GCSAM: variants seen among roughly 807,000 people sequenced by gnomAD.
GCSAM encodes the protein germinal center-associated signaling and motility protein.
Under a neutral mutation model 17.6 loss-of-function variants are expected in GCSAM, and 8 were observed. That is an observed-to-expected ratio of 0.46 (90% CI 0.27 to 0.82). GCSAM has a LOEUF of 0.82. Ranked by LOEUF, GCSAM falls within the 40% of genes least tolerant of loss-of-function variation. The pLI is 0.15. For synonymous variants in GCSAM, 68 were observed against 69.0 expected, an observed-to-expected ratio of 0.98 and a Z score of 0.07; for missense variants, 192 against 213.5, an observed-to-expected ratio of 0.90 and a Z score of 0.63.
In GCSAM at chr3:112,125,212, G is replaced by T. The variant is rs1268831654; in HGVS notation, c.219+14C>A. 1.3e-6 allele frequency: 2 copies of T among 1,533,468 alleles called. No homozygotes were observed. Among genetic ancestry groups the T allele is most frequent in the Non-Finnish European group, 9.0e-7 (1 of 1,106,554 alleles). The allele number at this position is 1,533,468 out of a possible 1,614,324, so 95.0% of individuals were successfully genotyped here. ...TCATCATCTCAAAAAATAGCTTAGA[G>T]ATGTTCTTATTACCTGGATGGGAGT... On this transcript the variant is annotated intron_variant, in intron 5 of 5. Coordinates refer to ENST00000308910, the MANE Select transcript of GCSAM (RefSeq NM_152785.5).
Position 112,123,627 on chromosome 3 carries a change from C to T in GCSAM, c.365G>A (p.Gly122Glu). 1.2e-6 allele frequency: 2 copies of T among 1,614,140 alleles called. No individual in the cohort carries two copies. The highest frequency in any genetic ancestry group is 1.7e-6 in the Non-Finnish European group (2 of 1,180,018). Reference sequence around the variant, plus strand: ...AAGTGAATACTCAGTCTCAGTTCCTCCCAAGGACTCTCTGGGTCTCTCAGC... The same window carrying T: ...AAGTGAATACTCAGTCTCAGTTCCTTCCAAGGACTCTCTGGGTCTCTCAGC... ...CKAERPRESL[G>E]GTETEYSLLH... is the part of the protein sequence containing the mutation. The change falls in exon 6 of 6, where the codon GGA becomes GAA. Residue 122 changes from glycine to glutamate, a missense_variant. Gly to Glu is a moderately conservative substitution (Grantham distance 98). Coordinates refer to ENST00000308910, the MANE Select transcript of GCSAM (RefSeq NM_152785.5).
intron 3 of GCSAM, among the ~76,000 whole-genome samples, chr3:112,127,801 C>T (rs1003058510): frequency 3.3e-5 from 5 of 152,166 alleles, no homozygotes; most frequent in African/African-American, 1.2e-4. Flanking sequence ...GCTTCTGAGG[C>T]TTTCCTGTTT....
chr3:112,129,060 G>T (rs2074393701), intron 2 of GCSAM: 1 of 152,190 alleles, frequency 6.6e-6, no homozygotes, highest in Admixed American at 6.5e-5. Context: ...TAAGATCTAT[G>T]CATCATCAAA....
intron 2 of GCSAM, chr3:112,128,274 T>C (rs1291561378): frequency 1.4e-6 from 1 of 690,030 alleles, no homozygotes; most frequent in African/African-American, 1.8e-5. Context: ...GGAAAAAAGC[T>C]TTCTGCTGTG....
intron 1 of GCSAM, 66 bp from the exon 2 acceptor site, chr3:112,130,579 A>AT (rs1576171978): frequency 2.1e-6 from 3 of 1,438,944 alleles, no homozygotes; most frequent in Non-Finnish European, 2.9e-6. Context: ...TCTTTTCATA[A>AT]TTTTTCCGAC....
At position 112,128,125 on chromosome 3, in the gene GCSAM, C is replaced by G. The variant is rs563169830; in HGVS notation, c.99-64G>C. On this transcript the variant is annotated intron_variant, in intron 2 of 5. Transcript: ENST00000308910. ...TTTCTGCAGCTTTGTTAAGGTGACT[C>G]CTTTCCTTTTGCCATTTCTGTGGAA... 1.9e-5 allele frequency: 28 copies of G among 1,473,880 alleles called. No individual in the cohort carries two copies. The African/African-American group carries it at 3.5e-4, about 18-fold the overall frequency. The allele number at this position is 1,473,880 out of a possible 1,614,324, so 91.3% of individuals were successfully genotyped here. A position where few individuals can be genotyped will look rare whatever the true frequency, so the allele number is the denominator to read the frequency against.
intron 4 of GCSAM, 69 bp from the exon 5 acceptor site, chr3:112,125,323 C>A: frequency 9.3e-7 from 1 of 1,075,778 alleles, no homozygotes; most frequent in Non-Finnish European, 1.4e-6. Flanking sequence ...GCAGGGGAGG[C>A]TAGAATATAA....
At chr3:112,130,304 C>T (rs1013565402) in intron 2 of GCSAM, 141 bp downstream of exon 2, 11 of 724,176 alleles carry the variant, frequency 1.5e-5, no homozygotes, top group Non-Finnish European at 2.5e-5. Context: ...TATCTTTTGT[C>T]CTGTCTTCAC....
intron 1 of GCSAM, among the ~76,000 whole-genome samples, chr3:112,132,164 G>T (rs1030169583): frequency 6.6e-6 from 1 of 152,164 alleles, no homozygotes; most frequent in Non-Finnish European, 1.5e-5. Context: ...ACCCAGGGTA[G>T]AGAAGTCTCA....
intron 1 of GCSAM, chr3:112,132,704 T>G: frequency 5.1e-6 from 5 of 984,114 alleles, no homozygotes; most frequent in Non-Finnish European, 6.0e-6. Context: ...TATTTCAAAC[T>G]TAAAATAGTG....
At chr3:112,124,614 A>G (rs2074268620) in intron 5 of GCSAM, among the ~76,000 whole-genome samples, 1 of 152,170 alleles carries the variant, frequency 6.6e-6, no homozygotes, top group African/African-American at 2.4e-5. Context: ...GTCTCCAAAA[A>G]ATAAATAAAT....
chr3:112,129,065 A>G (rs149907014), intron 2 of GCSAM: 1 of 152,356 alleles, frequency 6.6e-6, no homozygotes, highest in East Asian at 1.9e-4. Flanking sequence ...TCTATGCATC[A>G]TCAAAGCCTT....
chr3:112,125,269 T>A lies in GCSAM; in HGVS notation c.191-15A>T, dbSNP rs781409245. On this transcript the variant is annotated splice_polypyrimidine_tract_variant and intron_variant, in intron 4 of 5. Transcript: ENST00000308910. ...CATTCTTTCATCTGGAGAAAGAAAA[T>A]ACACTCAATGAATTTCAGGTTATGG... 9 of 1,548,890 alleles carry A rather than the reference T, an allele frequency of 5.8e-6. No homozygotes were observed. In the African/African-American group the frequency reaches 1.2e-4, roughly 21 times the overall value.
At chr3:112,126,318 C>T (rs2074316270) in intron 4 of GCSAM, among the ~76,000 whole-genome samples, 1 of 152,174 alleles carries the variant, frequency 6.6e-6, no homozygotes, top group Admixed American at 6.5e-5. Flanking sequence ...CAAAACTCTT[C>T]CATTTTTCTT....
At chr3:112,132,620 AG>A in intron 1 of GCSAM, 2 of 984,210 alleles carry the variant, frequency 2.0e-6, no homozygotes, top group African/African-American at 3.5e-5. Context: ...TATTTAATCT[AG>A]ATGACCTCTG....
intron 1 of GCSAM, chr3:112,130,758 C>G (rs909425911): frequency 7.6e-6 from 4 of 528,258 alleles, no homozygotes; most frequent in African/African-American, 1.9e-5. Context: ...AACAAGTGAT[C>G]CTAAATCATC....
At chr3:112,124,589 CAA>C (rs1352792645) in intron 5 of GCSAM, among the ~76,000 whole-genome samples, 6 of 152,056 alleles carry the variant, frequency 3.9e-5, no homozygotes, top group African/African-American at 1.4e-4. Context: ...GCCTGGGTGA[CAA>C]GAGCAAAACT....
At chr3:112,125,740 G>A (rs1256843216) in intron 4 of GCSAM, among the ~76,000 whole-genome samples, 1 of 152,248 alleles carries the variant, frequency 6.6e-6, no homozygotes, top group African/African-American at 2.4e-5. Flanking sequence ...TACTCTAGGT[G>A]ACGGGATGGT....
At chr3:112,127,582 G>A (rs1251826815) in intron 3 of GCSAM, among the ~76,000 whole-genome samples, 8 of 152,174 alleles carry the variant, frequency 5.3e-5, no homozygotes, top group Admixed American at 4.6e-4. Context: ...TCTGGTGAAG[G>A]TCATTATCAA....
Sources: gnomAD v4.1 joint callset for allele counts (sites outside exome capture counted in the v4.1 genomes callset) on GRCh38, gnomAD v4.1.1 for gene constraint, MANE v1.5 for transcripts, NCBI Gene and HGNC (gene_info 2026-07-23, HGNC 2026-07-21) for gene names.